Variants in PAK5 observed in about 807,000 individuals in gnomAD.
The protein encoded by PAK5 is serine/threonine-protein kinase PAK 5.
In PAK5, 16 loss-of-function variants were observed where a neutral mutation model predicts 65.9. The observed-to-expected ratio is 0.24, with a 90% confidence interval of 0.16 to 0.37. PAK5 has a LOEUF of 0.37. Among genes scored for constraint, PAK5 ranks in the 10% least tolerant of loss-of-function variants. The probability of loss-of-function intolerance (pLI) is 1.00; values close to 1 mark genes in which losing one functional copy is unlikely to be tolerated. For missense variants in PAK5, 785 were observed against 903.9 expected (o/e 0.87, Z 1.69); for synonymous variants, 371 against 354.9 (o/e 1.05, Z -0.51).
At chr20:9,765,392 A>G (rs2048745422) in intron 1 of PAK5, among the ~76,000 whole-genome samples, 1 of 152,194 alleles carries the variant, frequency 6.6e-6, no homozygotes. Context: ...TAATTGGTGC[A>G]AAAATACTGA....
intron 2 of PAK5, 49 bp from the exon 3 acceptor site, chr20:9,644,388 GA>G (rs538691189): frequency 8.2e-7 from 1 of 1,218,118 alleles, no homozygotes; most frequent in Non-Finnish European, 1.2e-6. Context: ...CTTGCCAGCA[GA>G]AGACCAGGAG....
chr20:9,791,292 C>T (rs768986159), intron 1 of PAK5, among the ~76,000 whole-genome samples: 5 of 152,140 alleles, frequency 3.3e-5, no homozygotes, highest in Admixed American at 1.3e-4. Context: ...TGTCTGTCTA[C>T]AATTGAACTC....
At chr20:9,637,533 T>A (rs1042895754) in intron 3 of PAK5, among the ~76,000 whole-genome samples, 1 of 152,060 alleles carries the variant, frequency 6.6e-6, no homozygotes, top group Non-Finnish European at 1.5e-5. Flanking sequence ...CAAGAAGACA[T>A]GAACACAGAT....
intron 2 of PAK5, among the ~76,000 whole-genome samples, chr20:9,676,368 C>T (rs1481536227): frequency 3.9e-5 from 6 of 152,080 alleles, no homozygotes; most frequent in Non-Finnish European, 7.3e-5. Context: ...AATGTGAATA[C>T]TAAAATATTA....
At chr20:9,751,724 C>A (rs1408810110) in intron 1 of PAK5, among the ~76,000 whole-genome samples, 1 of 152,080 alleles carries the variant, frequency 6.6e-6, no homozygotes, top group Non-Finnish European at 1.5e-5. Context: ...CATATCAATT[C>A]TATTTCCATA....
intron 1 of PAK5, among the ~76,000 whole-genome samples, chr20:9,819,653 T>C (rs1288101639): frequency 6.6e-6 from 1 of 152,150 alleles, no homozygotes; most frequent in Non-Finnish European, 1.5e-5. Context: ...CTACCCCCGT[T>C]CTCTGTCAAG....
chr20:9,557,535 T>C (rs2045526006), intron 7 of PAK5, 73 bp downstream of exon 7: 1 of 1,279,416 alleles, frequency 7.8e-7, no homozygotes, highest in African/African-American at 1.5e-5. Flanking sequence ...AAAAAGTGTT[T>C]CTAAAAGAGT....
chr20:9,679,854 G>A (rs568038462), intron 2 of PAK5, among the ~76,000 whole-genome samples: 1 of 152,174 alleles, frequency 6.6e-6, no homozygotes, highest in Non-Finnish European at 1.5e-5. Context: ...GGACAAAAGC[G>A]CATCTCAGGA....
At chr20:9,642,716 G>T (rs940175417) in intron 3 of PAK5, among the ~76,000 whole-genome samples, 1 of 152,108 alleles carries the variant, frequency 6.6e-6, no homozygotes, top group Non-Finnish European at 1.5e-5. Context: ...TAGTAGAGTT[G>T]GTTAGTCAGT....
At chr20:9,592,167 A>T (rs1181861317) in intron 3 of PAK5, among the ~76,000 whole-genome samples, 1 of 152,156 alleles carries the variant, frequency 6.6e-6, no homozygotes, top group Non-Finnish European at 1.5e-5. Flanking sequence ...GAGAGAATAG[A>T]CTCTAAGAAC....
intron 1 of PAK5, among the ~76,000 whole-genome samples, chr20:9,716,030 G>A (rs1569055733): frequency 6.6e-6 from 1 of 151,648 alleles, no homozygotes; most frequent in Non-Finnish European, 1.5e-5. Context: ...ATGTACCCTA[G>A]AACTTAAAGT....
At chr20:9,561,330 G>A (rs1160090185) in intron 6 of PAK5, among the ~76,000 whole-genome samples, 1 of 152,084 alleles carries the variant, frequency 6.6e-6, no homozygotes, top group East Asian at 1.9e-4. Flanking sequence ...GCTCTGGAAG[G>A]CAACAAAAAG....
intron 1 of PAK5, among the ~76,000 whole-genome samples, chr20:9,729,234 CAA>C (rs368174329): frequency 1.5e-5 from 2 of 135,918 alleles, no homozygotes; most frequent in South Asian, 2.3e-4. Context: ...AACTCCATCT[CAA>C]AAAAAAAAAA....
chr20:9,609,018 A>T (rs1413656190), intron 3 of PAK5, among the ~76,000 whole-genome samples: 1 of 152,230 alleles, frequency 6.6e-6, no homozygotes, highest in Non-Finnish European at 1.5e-5. Context: ...ACCAAGTTGT[A>T]CTTATTGTCG....
chr20:9,798,571 A>G (rs189181074), intron 1 of PAK5, among the ~76,000 whole-genome samples: 1 of 152,302 alleles, frequency 6.6e-6, no homozygotes, highest in Admixed American at 6.5e-5. Context: ...ATCAGCTTAA[A>G]GCCTGTGCAG....
At chr20:9,777,702 TA>T (rs1362054428) in intron 1 of PAK5, among the ~76,000 whole-genome samples, 4 of 152,208 alleles carry the variant, frequency 2.6e-5, no homozygotes, top group South Asian at 2.1e-4. Context: ...TATATACATA[TA>T]TTTTTTTGAA....
chr20:9,677,750 G>A (rs1051108974), intron 2 of PAK5, among the ~76,000 whole-genome samples: 2 of 152,240 alleles, frequency 1.3e-5, no homozygotes, highest in South Asian at 2.1e-4. Flanking sequence ...GACCATAATC[G>A]TAGTAGCAGT....
intron 7 of PAK5, among the ~76,000 whole-genome samples, chr20:9,555,178 C>T (rs73241767): frequency 0.012 from 1,866 of 152,276 alleles, 33 homozygotes; most frequent in African/African-American, 0.041. Flanking sequence ...TTACACGTAG[C>T]AGACATTCAG....
intron 3 of PAK5, among the ~76,000 whole-genome samples, chr20:9,618,413 T>A (rs2046701083): frequency 6.7e-6 from 1 of 149,818 alleles, no homozygotes; most frequent in African/African-American, 2.5e-5. Context: ...CTTTTTTTTT[T>A]TTTTTTTTTT....
Sources: allele counts gnomAD v4.1 joint callset (sites outside exome capture counted in the v4.1 genomes callset), GRCh38; gene constraint gnomAD v4.1.1; transcripts MANE v1.5; gene names NCBI Gene and HGNC (gene_info 2026-07-23, HGNC 2026-07-21).